Variants in EI24 observed in about 807,000 individuals in gnomAD.
EI24 encodes EI24 autophagy associated transmembrane protein, also known as etoposide-induced protein 2.4 homolog.
Under a neutral mutation model 48.6 loss-of-function variants are expected in EI24, and 21 were observed. The ratio of observed to expected loss-of-function variants is 0.43; its 90% CI spans 0.31 to 0.62. The LOEUF (loss-of-function observed/expected upper bound fraction) is 0.62. EI24 is among the 20% of genes least tolerant of loss of function. The probability of loss-of-function intolerance (pLI) is 0.10; values close to 1 mark genes in which losing one functional copy is unlikely to be tolerated. For synonymous variants in EI24, 114 were observed against 145.5 expected, an observed-to-expected ratio of 0.78 and a Z score of 1.56; for missense variants, 280 against 410.5, an observed-to-expected ratio of 0.68 and a Z score of 2.75.
At chr11:125,577,377 C>T (rs1938792007) in intron 4 of EI24, 127 bp from the exon 5 acceptor site, 2 of 874,122 alleles carry the variant, frequency 2.3e-6, no homozygotes, top group South Asian at 1.6e-5. Flanking sequence ...GCATGAGCCA[C>T]CGCGCCCGGC....
At chr11:125,575,452 G>C (rs1188911240) in intron 3 of EI24, 44 bp downstream of exon 3, 11 of 1,499,700 alleles carry the variant, frequency 7.3e-6, no homozygotes, top group Non-Finnish European at 9.0e-7. Flanking sequence ...AGGGAGGGAA[G>C]ACCTTACATA....
chr11:125,572,631 C>A, intron 2 of EI24, 62 bp downstream of exon 2: 1 of 1,489,114 alleles, frequency 6.7e-7, no homozygotes, highest in Non-Finnish European at 9.3e-7. Context: ...CTGAAGGAAC[C>A]ATCTAGGAAA....
chr11:125,577,188 T>G (rs1938783479), intron 4 of EI24, among the ~76,000 whole-genome samples: 1 of 152,020 alleles, frequency 6.6e-6, no homozygotes. Context: ...GCCTCCCGGG[T>G]TCAAGCGATT....
At chr11:125,577,963 T>C (rs1938817320) in intron 5 of EI24, 170 bp from the exon 6 acceptor site, 1 of 721,948 alleles carries the variant, frequency 1.4e-6, no homozygotes, top group African/African-American at 1.8e-5. Flanking sequence ...GTGGCCAGAA[T>C]GTGGTGCGTC....
At chr11:125,581,735 T>C (rs979350164) in intron 9 of EI24, among the ~76,000 whole-genome samples, 11 of 151,090 alleles carry the variant, frequency 7.3e-5, no homozygotes, top group African/African-American at 1.9e-4. Context: ...TTAGTAGAGA[T>C]GGGGTTTCAC....
At chr11:125,577,802 GTTAAACCA>G in intron 5 of EI24, 4 of 564,240 alleles carry the variant, frequency 7.1e-6, no homozygotes, top group Non-Finnish European at 9.2e-6. Flanking sequence ...AGTTACCAAG[GTTAAACCA>G]TTAGTAAGAG....
In EI24 at chr11:125,577,469, AT is replaced by A. The variant is rs774545082; in HGVS notation, c.250-31del. 2.3e-5 allele frequency: 37 copies of A among 1,583,496 alleles called. No homozygotes were observed. The South Asian group carries it at 3.7e-4, about 16-fold the overall frequency. On this transcript the variant is annotated intron_variant, in intron 4 of 10. Coordinates refer to ENST00000278903, the MANE Select transcript of EI24 (RefSeq NM_004879.5). ...TTGAAGCTCCTGTTTTAAAGACTGG[AT>A]TTTGATGTTTGCCTTGTTGCTTCTT...
intron 5 of EI24, 166 bp from the exon 6 acceptor site, chr11:125,577,967 G>A: frequency 1.4e-6 from 1 of 738,060 alleles, no homozygotes; most frequent in Non-Finnish European, 2.2e-6. Context: ...CCAGAATGTG[G>A]TGCGTCTATT....
intron 2 of EI24, chr11:125,573,717 T>G (rs554546665): frequency 5.5e-5 from 8 of 146,750 alleles, no homozygotes; most frequent in Admixed American, 2.2e-4. Flanking sequence ...AGTCTCACTG[T>G]GTCGCCCAGG....
At position 125,583,895 on chromosome 11, in the gene EI24, G is replaced by A. The variant is rs188509727; in HGVS notation, c.*212G>A. The A allele has an allele frequency of 1.8e-4, 109 of 607,748 alleles. No homozygotes were observed. The highest frequency in any genetic ancestry group is 2.7e-4 in the Admixed American group (9 of 33,382). The allele number at this position is 607,748 out of a possible 1,614,324, so 37.6% of individuals were successfully genotyped here. On this transcript the variant is annotated 3_prime_UTR_variant, in exon 11 of 11. Transcript: ENST00000278903. ...CAGTGTGTGGATTTTTAACATCACC[G>A]TGAGTCTGAAAGGACCACAGGTTTT... is the stretch of plus-strand genomic sequence containing the variant.
At chr11:125,579,945 T>C in intron 7 of EI24, 148 bp from the exon 8 acceptor site, 1 of 678,192 alleles carries the variant, frequency 1.5e-6, no homozygotes, top group Non-Finnish European at 2.7e-6. Flanking sequence ...ATTACAGGAA[T>C]GAGTCACTGT....
intron 4 of EI24, among the ~76,000 whole-genome samples, chr11:125,576,536 G>C (rs1316111380): frequency 4.6e-5 from 7 of 152,158 alleles, no homozygotes; most frequent in African/African-American, 1.7e-4. Context: ...ATATACACTT[G>C]AATTTTGTTT....
At position 125,578,240 on chromosome 11, in the gene EI24, A is replaced by G; in HGVS notation, c.424A>G (p.Asn142Asp). Residue 142 changes from asparagine (N) to aspartate (D), a missense_variant, in exon 6 of 11, where the codon AAT becomes GAT. Asn to Asp is a conservative substitution (Grantham distance 23). Around this residue, in one of 3 missense-constraint regions of EI24, gnomAD observed 204 missense variants for 294.1 expected, o/e 0.69. Transcript: ENST00000278903. ...LPLFVLSKVV[N>D]AIWFQDIADL... Reference sequence around the variant, plus strand: ...CTTGTTTGTGCTTAGCAAAGTGGTGAATGCCATTTGGTTTCAGGTAGGTCC... The same window carrying G: ...CTTGTTTGTGCTTAGCAAAGTGGTGGATGCCATTTGGTTTCAGGTAGGTCC... 3.1e-6 allele frequency: 5 copies of G among 1,613,946 alleles called. No individual in the cohort carries two copies. The highest frequency in any genetic ancestry group is 4.2e-6 in the Non-Finnish European group (5 of 1,179,880).
chr11:125,575,020 G>C (rs1015979491), intron 2 of EI24, among the ~76,000 whole-genome samples: 18 of 152,076 alleles, frequency 1.2e-4, no homozygotes, highest in Non-Finnish European at 2.5e-4. Flanking sequence ...GAGGACAGGA[G>C]TATGAAACCA....
At chr11:125,578,080 G>T (rs1284773394) in intron 5 of EI24, 53 bp from the exon 6 acceptor site, 80 of 1,609,478 alleles carry the variant, frequency 5.0e-5, no homozygotes, top group Non-Finnish European at 6.5e-5. Flanking sequence ...TCCGCATTTG[G>T]TCTTCTGGAT....
At chr11:125,572,827 CTT>C (rs35464386) in intron 2 of EI24, among the ~76,000 whole-genome samples, 29 of 105,346 alleles carry the variant, frequency 2.8e-4, no homozygotes, top group Non-Finnish European at 2.6e-4. Context: ...GGCTTCAGAG[CTT>C]TTTTTTTTTT....
At chr11:125,571,720 T>C (rs2135846727) in intron 1 of EI24, among the ~76,000 whole-genome samples, 1 of 151,896 alleles carries the variant, frequency 6.6e-6, no homozygotes, top group East Asian at 1.9e-4. Context: ...CTACTAAAAA[T>C]ACACAAAATT....
chr11:125,578,380 G>C, intron 6 of EI24, 123 bp downstream of exon 6: 6 of 1,224,554 alleles, frequency 4.9e-6, no homozygotes, highest in Non-Finnish European at 7.0e-6. Context: ...ATGTTTCTTG[G>C]CCAGGTAGCC....
rs775605524 is a variant in EI24, at chr11:125,572,505, G to A, written c.-23G>A. Reference sequence around the variant, plus strand: ...GGGACACTTCTCTCTCCTGTGTGTAGTTGATAGTTTGGTGGTGAAGAGATG... The same window carrying A: ...GGGACACTTCTCTCTCCTGTGTGTAATTGATAGTTTGGTGGTGAAGAGATG... On this transcript the variant is annotated 5_prime_UTR_variant, in exon 2 of 11. Transcript: ENST00000278903. 1.2e-6 allele frequency: 2 copies of A among 1,613,006 alleles called. No individual in the cohort carries two copies. Among genetic ancestry groups the A allele is most frequent in the South Asian group, 2.2e-5 (2 of 90,962 alleles).
Sources: allele counts gnomAD v4.1 joint callset (sites outside exome capture counted in the v4.1 genomes callset), GRCh38; gene constraint gnomAD v4.1.1; regional missense constraint gnomAD v4.1.1; transcripts MANE v1.5; gene names NCBI Gene and HGNC (gene_info 2026-07-23, HGNC 2026-07-21).